ZSWIM9: variants seen among roughly 807,000 people sequenced by gnomAD.
The protein encoded by ZSWIM9 is zinc finger SWIM-type containing 9, also known as uncharacterized protein ZSWIM9.
ZSWIM9 carries 11 observed loss-of-function variants against 25.0 expected under a neutral mutation model. The observed-to-expected ratio is 0.44, with a 90% CI of 0.28 to 0.73. ZSWIM9 has a LOEUF of 0.73. Ranked by LOEUF, ZSWIM9 falls within the 30% of genes least tolerant of loss-of-function variation. The pLI is 0.16. For missense variants in ZSWIM9, 1,070 were observed against 1,296.5 expected (o/e 0.83, Z 2.68); for synonymous variants, 562 against 582.1 (o/e 0.97, Z 0.50).
At chr19:48,183,232 G>C (rs189821931) in intron 3 of ZSWIM9, 1 of 153,526 alleles carries the variant, frequency 6.5e-6, no homozygotes, top group South Asian at 2.0e-4. Context: ...GGGTTCAAGC[G>C]ATTCTCCTGT....
At chr19:48,188,137 G>A (rs771900018) in intron 3 of ZSWIM9, among the ~76,000 whole-genome samples, 4 of 152,100 alleles carry the variant, frequency 2.6e-5, no homozygotes, top group Non-Finnish European at 4.4e-5. Context: ...ATCTTTGGAG[G>A]GGATCAGACA....
chr19:48,197,568 G>A lies in ZSWIM9; in HGVS notation c.*741G>A. 2.3e-6 allele frequency: 1 copy of A among 432,112 alleles called. No individual in the cohort carries two copies. Among genetic ancestry groups the A allele is most frequent in the Non-Finnish European group, 4.2e-6 (1 of 238,414 alleles). The allele number at this position is 432,112 out of a possible 1,614,324, so 26.8% of individuals were successfully genotyped here. A position where few individuals can be genotyped will look rare whatever the true frequency, so the allele number is the denominator to read the frequency against. On this transcript the variant is annotated 3_prime_UTR_variant, in exon 4 of 4. Transcript: ENST00000614654. ...CAGGAGAGTCTCCAGCAGGGGAGGG[G>A]AATTGTTTGGACTATTGTTCTTCAG...
chr19:48,174,221 G>A (rs1285724429), intron 2 of ZSWIM9, among the ~76,000 whole-genome samples: 1 of 152,022 alleles, frequency 6.6e-6, no homozygotes, highest in African/African-American at 2.4e-5. Flanking sequence ...CCTTTAGGCT[G>A]CCTGAGACAT....
rs2037172073 is a variant in ZSWIM9 at position 48,196,750 on chromosome 19, G to T, written c.2686G>T (p.Ala896Ser). The T allele has an allele frequency of 8.1e-7, 1 of 1,233,608 alleles. No homozygotes were observed. The highest frequency in any genetic ancestry group is 3.2e-5 in the East Asian group (1 of 31,732). The allele number at this position is 1,233,608 out of a possible 1,614,324, so 76.4% of individuals were successfully genotyped here. A position where few individuals can be genotyped will look rare whatever the true frequency, so the allele number is the denominator to read the frequency against. The change falls in exon 4 of 4, where the codon GCG becomes TCG. Residue 896 changes from alanine to serine, a missense_variant. Around this residue, in one of 4 missense-constraint regions of ZSWIM9, gnomAD observed 583 missense variants for 624.7 expected, o/e 0.93. Coordinates refer to ENST00000614654, the MANE Select transcript of ZSWIM9 (RefSeq NM_199341.4). ...TCTGCCCTGCAGACACCTCTTTGCA[G>T]CGCGCCTCCTCACTGGGGCTGCCTT... ...RRLPCRHLFAARLLTGAALFH... is the reference protein window; with the variant it reads ...RRLPCRHLFASRLLTGAALFH...
intron 3 of ZSWIM9, among the ~76,000 whole-genome samples, chr19:48,192,498 T>TATATATATATATATATATATACACACAC (rs369454865): frequency 4.8e-5 from 1 of 20,764 alleles, no homozygotes; most frequent in African/African-American, 1.4e-4. Context: ...TATATATATA[T>TATATATATATATATATATATACACACAC]ACACACACAC....
Position 48,182,917 on chromosome 19 carries a change from G to A in ZSWIM9, c.588+150G>A. Reference sequence around the variant, plus strand: ...ATTCATTCAATAAGTACTTACCGAGGCATTGGGGATGCAGCAGCAAACCAG... The same window carrying A: ...ATTCATTCAATAAGTACTTACCGAGACATTGGGGATGCAGCAGCAAACCAG... On this transcript the variant is annotated intron_variant, in intron 3 of 3. Transcript: ENST00000614654. The surrounding 1 kb of genome is among the most constrained non-coding windows in gnomAD (Gnocchi z 4.6). 1.5e-6 allele frequency: 1 copy of A among 669,178 alleles called. No individual in the cohort carries two copies. Among genetic ancestry groups the A allele is most frequent in the Non-Finnish European group, 2.5e-6 (1 of 400,600 alleles). 41.5% of individuals were successfully genotyped at this position (669,178 alleles called of 1,614,324 possible). A position where few individuals can be genotyped will look rare whatever the true frequency, so the allele number is the denominator to read the frequency against.
chr19:48,191,729 C>T lies in ZSWIM9; in HGVS notation c.589-2924C>T, dbSNP rs1405708552. 3.3e-5 allele frequency among the ~76,000 whole-genome samples: 5 copies of T among 152,156 alleles called. No homozygotes were observed. In the East Asian group the frequency reaches 7.7e-4, roughly 23 times the overall value. The stretch of plus-strand genomic sequence containing the variant: ...CAATTTGTGTGTCTGAAAGGACACC[C>T]GTACATTCATCTGCATCCTCAAAAT... On this transcript the variant is annotated intron_variant, in intron 3 of 3. Coordinates refer to ENST00000614654, the MANE Select transcript of ZSWIM9 (RefSeq NM_199341.4).
In ZSWIM9 at chr19:48,170,722, G is replaced by A. The variant is rs2036777375; in HGVS notation, c.-10+8G>A. 4.6e-6 allele frequency: 1 copy of A among 219,732 alleles called. No homozygotes were observed. Among genetic ancestry groups the A allele is most frequent in the African/African-American group, 2.4e-5 (1 of 41,482 alleles). The allele number at this position is 219,732 out of a possible 1,614,324, so 13.6% of individuals were successfully genotyped here. ...CCGCTCCGGGGCGGGTAGGTGAGTG[G>A]GGAGGGGCGGGAAGGGTGCACATCT... is the stretch of plus-strand genomic sequence containing the variant. On this transcript the variant is annotated splice_region_variant and intron_variant, in intron 1 of 3. Transcript: ENST00000614654.
intron 2 of ZSWIM9, among the ~76,000 whole-genome samples, chr19:48,180,381 G>A (rs1044871990): frequency 2.0e-5 from 3 of 150,600 alleles, no homozygotes; most frequent in Non-Finnish European, 2.9e-5. Flanking sequence ...TGTTGCCCAG[G>A]CTGAACTCAA....
rs1300115094 is a variant in ZSWIM9, at chr19:48,171,971, C to T, written c.169C>T (p.Arg57Cys). 3.3e-6 allele frequency: 5 copies of T among 1,534,048 alleles called. No individual in the cohort carries two copies. The East Asian group carries it at 7.4e-5, about 23-fold the overall frequency. ...VKSSMHLARC[R>C]WASAPPLYTL... ...GAGCTCCATGCACCTGGCGCGCTGC[C>T]GCTGGGCCAGTGCGCCCCCGCTCTA... The change falls in exon 2 of 4, where the codon CGC becomes TGC. Residue 57 changes from arginine to cysteine, a missense_variant. Transcript: ENST00000614654.
In ZSWIM9 at chr19:48,197,364, CAGG is replaced by C; in HGVS notation, c.*540_*542del. On this transcript the variant is annotated 3_prime_UTR_variant, in exon 4 of 4. Coordinates refer to ENST00000614654, the MANE Select transcript of ZSWIM9 (RefSeq NM_199341.4). ...AGACATGAGGAAAAGCTGGGGGAAGCAGGAGAGGAAGGGACGGGATGTAGGAGG... is the reference window on the plus strand; with the variant it reads ...AGACATGAGGAAAAGCTGGGGGAAGCAGAGGAAGGGACGGGATGTAGGAGG... 2.9e-6 allele frequency: 2 copies of C among 685,790 alleles called. No individual in the cohort carries two copies. The highest frequency in any genetic ancestry group is 5.3e-6 in the Non-Finnish European group (2 of 376,254). 42.5% of individuals were successfully genotyped at this position (685,790 alleles called of 1,614,324 possible). A position where few individuals can be genotyped will look rare whatever the true frequency, so the allele number is the denominator to read the frequency against.
intron 3 of ZSWIM9, among the ~76,000 whole-genome samples, chr19:48,187,496 A>ATATAT (rs375158837): frequency 1.9e-5 from 1 of 53,870 alleles, no homozygotes; most frequent in Non-Finnish European, 3.5e-5. Context: ...TTATATTATA[A>ATATAT]TATATTATAT....
chr19:48,192,504 C>T (rs200368481), intron 3 of ZSWIM9, among the ~76,000 whole-genome samples: 14,185 of 50,638 alleles, frequency 0.28, 2,548 homozygotes, highest in Middle Eastern at 0.41. Context: ...TATATACACA[C>T]ACACACACAC....
Position 48,196,979 on chromosome 19 carries a change from T to A in ZSWIM9, c.*152T>A. On this transcript the variant is annotated 3_prime_UTR_variant, in exon 4 of 4. Coordinates refer to ENST00000614654, the MANE Select transcript of ZSWIM9 (RefSeq NM_199341.4). ...GGACCTCCTCATGGCAGTTTGCCTCTCTGGGTCCAAGGGCAAGCTGTAAGT... is the reference window on the plus strand; with the variant it reads ...GGACCTCCTCATGGCAGTTTGCCTCACTGGGTCCAAGGGCAAGCTGTAAGT... The A allele has an allele frequency of 1.3e-6, 1 of 782,676 alleles. No homozygotes were observed. The highest frequency in any genetic ancestry group is 1.8e-6 in the Non-Finnish European group (1 of 550,470). 48.5% of individuals were successfully genotyped at this position (782,676 alleles called of 1,614,324 possible).
At chr19:48,171,298 C>T (rs1361256865) in intron 1 of ZSWIM9, 2 of 985,226 alleles carry the variant, frequency 2.0e-6, no homozygotes, top group African/African-American at 3.5e-5. Flanking sequence ...TGTGGGAGCA[C>T]ATCTGGAGAT....
chr19:48,183,022 G>C, intron 3 of ZSWIM9: 1 of 495,662 alleles, frequency 2.0e-6, no homozygotes, highest in South Asian at 2.8e-5. Flanking sequence ...GGATGGAAAC[G>C]TTCTGTGATT....
Position 48,194,524 on chromosome 19 carries a change from A to T in ZSWIM9, c.589-129A>T. Reference sequence around the variant, plus strand: ...TGCCTCCTGCCGGTCAAAAGAATAAATGCATATGCAGGCAAGAATGAATGG... The same window carrying T: ...TGCCTCCTGCCGGTCAAAAGAATAATTGCATATGCAGGCAAGAATGAATGG... On this transcript the variant is annotated intron_variant, in intron 3 of 3. Transcript: ENST00000614654. This position sits in a 1 kb window ranked among gnomAD's most constrained non-coding sequence, Gnocchi z 6.0. 2.1e-6 allele frequency: 2 copies of T among 954,216 alleles called. No homozygotes were observed. The highest frequency in any genetic ancestry group is 2.8e-6 in the Non-Finnish European group (2 of 703,856). The allele number at this position is 954,216 out of a possible 1,614,324, so 59.1% of individuals were successfully genotyped here.
chr19:48,191,986 A>G (rs1310871992), intron 3 of ZSWIM9: 1 of 154,772 alleles, frequency 6.5e-6, no homozygotes, highest in Admixed American at 6.5e-5. Context: ...TCCTCATCTG[A>G]AAAAGGGGAA....
rs2037134215 is a variant in ZSWIM9, at chr19:48,194,578, C to G, written c.589-75C>G. ...GTCCCATTTCCGTAGAAGGGGAAACCGAGGTCGGGGAGCTGGGCGGGGAGA... is the reference window on the plus strand; with the variant it reads ...GTCCCATTTCCGTAGAAGGGGAAACGGAGGTCGGGGAGCTGGGCGGGGAGA... On this transcript the variant is annotated intron_variant, in intron 3 of 3. Coordinates refer to ENST00000614654, the MANE Select transcript of ZSWIM9 (RefSeq NM_199341.4). The surrounding 1 kb of genome is among the most constrained non-coding windows in gnomAD (Gnocchi z 6.0). The G allele has an allele frequency of 5.3e-6, 7 of 1,331,364 alleles. No individual in the cohort carries two copies. In the South Asian group the frequency reaches 5.6e-5, roughly 11 times the overall value. The allele number at this position is 1,331,364 out of a possible 1,614,324, so 82.5% of individuals were successfully genotyped here.
Sources: gnomAD v4.1 joint callset for allele counts (sites outside exome capture counted in the v4.1 genomes callset) on GRCh38, gnomAD v4.1.1 for gene constraint, gnomAD v4.1.1 regional missense constraint, Gnocchi (gnomAD v3.1) non-coding constraint, MANE v1.5 for transcripts, NCBI Gene and HGNC (gene_info 2026-07-23, HGNC 2026-07-21) for gene names.